The following STRIP2 variants were observed in gnomAD, a reference collection of about 807,000 sequenced individuals.
The protein encoded by STRIP2 is striatin interacting protein 2, also known as striatin-interacting protein 2.
In STRIP2, 84 loss-of-function variants were observed where a neutral mutation model predicts 107.1. The observed-to-expected ratio is 0.78, with a 90% CI of 0.66 to 0.94. The LOEUF is 0.94. Among genes scored for constraint, STRIP2 ranks in the 40% least tolerant of loss-of-function variants. STRIP2 has a pLI of 0.00. For synonymous variants in STRIP2, 394 were observed against 400.4 expected (o/e 0.98, Z 0.19); for missense variants, 888 against 1,034.2 (o/e 0.86, Z 1.94).
chr7:129,454,311 CT>C, intron 6 of STRIP2, 101 bp downstream of exon 6: 1 of 1,477,556 alleles, frequency 6.8e-7, no homozygotes. Flanking sequence ...GGAAGTTGCC[CT>C]GTAGCTAATC....
At chr7:129,438,776 G>T (rs1049910999) in intron 1 of STRIP2, among the ~76,000 whole-genome samples, 3 of 152,116 alleles carry the variant, frequency 2.0e-5, no homozygotes, top group Non-Finnish European at 4.4e-5. Flanking sequence ...TTCCTTTCAG[G>T]TTCCATAATT....
At chr7:129,459,484 A>T in intron 11 of STRIP2, 33 bp from the exon 12 acceptor site, 1 of 1,599,218 alleles carries the variant, frequency 6.3e-7, no homozygotes. Context: ...GTACTTTGGA[A>T]GCTTATGATC....
chr7:129,485,693 T>C lies in STRIP2; in HGVS notation c.2369T>C (p.Val790Ala). 1.2e-6 allele frequency: 2 copies of C among 1,614,140 alleles called. No individual in the cohort carries two copies. The highest frequency in any genetic ancestry group is 2.2e-5 in the South Asian group (2 of 91,084). ...DRPQDSEFSP[V>A]DNCLQSVLGQ... ...CCCCAGGACTCTGAGTTTTCACCTG[T>C]GGATAACTGCTTGCAGAGCGTACTG... is the stretch of plus-strand genomic sequence containing the variant. The change falls in exon 21 of 21, where the codon GTG becomes GCG. Residue 790 changes from valine (V) to alanine (A), a missense_variant. By Grantham distance (64) the Val-to-Ala change is moderately conservative. Transcript: ENST00000249344.
intron 1 of STRIP2, 53 bp downstream of exon 1, chr7:129,434,654 A>G: frequency 7.0e-7 from 1 of 1,429,360 alleles, no homozygotes; most frequent in Non-Finnish European, 9.1e-7. Context: ...GCCGGCGGGA[A>G]GCGGCGGCTG....
chr7:129,459,331 T>C (rs1164140379), intron 11 of STRIP2, among the ~76,000 whole-genome samples, 186 bp from the exon 12 acceptor site: 1 of 152,182 alleles, frequency 6.6e-6, no homozygotes, highest in Non-Finnish European at 1.5e-5. Context: ...CATTTCTGTG[T>C]ACCATTATTA....
At chr7:129,475,568 C>CTTTTTTTTTTTTTTTTTT (rs1193913684) in intron 18 of STRIP2, among the ~76,000 whole-genome samples, 4 of 99,296 alleles carry the variant, frequency 4.0e-5, no homozygotes, top group Non-Finnish European at 8.0e-5. Flanking sequence ...TTTTTTTTTT[C>CTTTTTTTTTTTTTTTTTT]TTTTTATTTT....
chr7:129,452,832 A>G (rs1798232934), intron 4 of STRIP2, among the ~76,000 whole-genome samples: 1 of 152,220 alleles, frequency 6.6e-6, no homozygotes, highest in African/African-American at 2.4e-5. Context: ...TCTTGGATAG[A>G]ATAACTGTGA....
Position 129,467,459 on chromosome 7 carries a change from T to G in STRIP2, c.1877+9T>G, listed in dbSNP as rs1308002186. The stretch of plus-strand genomic sequence containing the variant: ...ATCACTGCCAAAAACAGGTATGAAC[T>G]CTGGACAGGTTTATTTCAAGGGGCT... On this transcript the variant is annotated intron_variant, in intron 17 of 20. Transcript: ENST00000249344. 6.3e-7 allele frequency: 1 copy of G among 1,599,120 alleles called. No homozygotes were observed. Among genetic ancestry groups the G allele is most frequent in the Admixed American group, 1.7e-5 (1 of 59,810 alleles).
At chr7:129,456,753 C>T in intron 9 of STRIP2, 111 bp downstream of exon 9, 5 of 1,040,674 alleles carry the variant, frequency 4.8e-6, no homozygotes, top group Non-Finnish European at 6.9e-6. Context: ...GCTCATCCTG[C>T]CCAGGTTGGC....
intron 18 of STRIP2, among the ~76,000 whole-genome samples, chr7:129,477,370 C>T (rs1331472083): frequency 6.6e-6 from 1 of 152,084 alleles, no homozygotes; most frequent in Non-Finnish European, 1.5e-5. Flanking sequence ...AAGTATATAT[C>T]CACTTTCCAT....
chr7:129,470,305 A>T (rs536886771), intron 17 of STRIP2, among the ~76,000 whole-genome samples: 1 of 152,226 alleles, frequency 6.6e-6, no homozygotes, highest in Non-Finnish European at 1.5e-5. Flanking sequence ...GGGAGCAGTT[A>T]TATTCACACA....
chr7:129,443,916 G>A, intron 2 of STRIP2, 108 bp from the exon 3 acceptor site: 1 of 798,040 alleles, frequency 1.3e-6, no homozygotes, highest in Non-Finnish European at 2.1e-6. Flanking sequence ...GGATTCATTG[G>A]ACACAGGAAT....
At chr7:129,440,382 A>G (rs1245412479) in intron 2 of STRIP2, among the ~76,000 whole-genome samples, 1 of 151,814 alleles carries the variant, frequency 6.6e-6, no homozygotes, top group Admixed American at 6.6e-5. Flanking sequence ...GCACTCTCAA[A>G]TCAGTTTTCT....
Position 129,464,602 on chromosome 7 carries a change from C to G in STRIP2, c.1650-10C>G. The G allele has an allele frequency of 6.2e-7, 1 of 1,613,896 alleles. No homozygotes were observed. Among genetic ancestry groups the G allele is most frequent in the Non-Finnish European group, 8.5e-7 (1 of 1,179,930 alleles). On this transcript the variant is annotated splice_polypyrimidine_tract_variant and intron_variant, in intron 15 of 20. Coordinates refer to ENST00000249344, the MANE Select transcript of STRIP2 (RefSeq NM_020704.3). ...ACTCTCTGCACTAATACCTTCTCTC[C>G]CCATTGTAGCATCACTGTTCTCCAG...
chr7:129,458,386 C>G lies in STRIP2; in HGVS notation c.1210C>G (p.Gln404Glu). 3 of 1,613,620 alleles carry G rather than the reference C, an allele frequency of 1.9e-6. No homozygotes were observed. Among genetic ancestry groups the G allele is most frequent in the Non-Finnish European group, 2.5e-6 (3 of 1,179,834 alleles). ...CCCTCTGGTGCCACCTCCACCCTCA[C>G]AGGCACCCCTCTCTGCTGAGCGGGT... ...QDPLVPPPPS[Q>E]APLSAERVAF... The change falls in exon 10 of 21, where the codon CAG (glutamine) becomes GAG (glutamate). Residue 404 changes from glutamine (Q) to glutamate (E), a missense_variant. By Grantham distance (29) the Gln-to-Glu change is conservative. Transcript: ENST00000249344. This position sits in a 1 kb window ranked among gnomAD's most constrained non-coding sequence, Gnocchi z 4.6.
intron 18 of STRIP2, among the ~76,000 whole-genome samples, chr7:129,480,439 T>C (rs760676440): frequency 4.1e-4 from 63 of 152,366 alleles, no homozygotes; most frequent in Admixed American, 2.4e-3. Flanking sequence ...AAACATAGTT[T>C]ATATAAGCGC....
intron 2 of STRIP2, 122 bp from the exon 3 acceptor site, chr7:129,443,902 C>T (rs1797967119): frequency 1.3e-6 from 1 of 741,334 alleles, no homozygotes; most frequent in African/African-American, 1.8e-5. Context: ...AGGAAGCTAG[C>T]TTTGGATTCA....
rs1171703389 is a variant in STRIP2, at chr7:129,434,537, G to T, written c.65G>T (p.Gly22Val). 5 of 1,518,004 alleles carry T rather than the reference G, an allele frequency of 3.3e-6. No homozygotes were observed. The highest frequency in any genetic ancestry group is 8.8e-7 in the Non-Finnish European group (1 of 1,140,224). 94.0% of individuals were successfully genotyped at this position (1,518,004 alleles called of 1,614,324 possible). Residue 22 changes from glycine (G) to valine (V), a missense_variant, in exon 1 of 21, where the codon GGC (glycine) becomes GTC (valine). Transcript: ENST00000249344. ...GCAAATGGCAATGGCAACGGCGGCG[G>T]CAAAGGGAAGCAGGCGGCGCCCAAG... ...PPANGNGNGG[G>V]KGKQAAPKGR...
chr7:129,471,881 A>G (rs546634231), intron 18 of STRIP2, among the ~76,000 whole-genome samples: 57 of 152,330 alleles, frequency 3.7e-4, no homozygotes, highest in African/African-American at 1.3e-3. Flanking sequence ...TGGCCTCAGC[A>G]GCCAAAGAAG....
Sources: gnomAD v4.1 joint callset for allele counts (sites outside exome capture counted in the v4.1 genomes callset) on GRCh38, gnomAD v4.1.1 for gene constraint, Gnocchi (gnomAD v3.1) non-coding constraint, MANE v1.5 for transcripts, NCBI Gene and HGNC (gene_info 2026-07-23, HGNC 2026-07-21) for gene names.